PGCKA1: variants seen among roughly 807,000 people sequenced by gnomAD.
PGCKA1 encodes PDCD10 and GCKIII kinases-associated protein 1.
the PGCKA1 span, among the ~76,000 whole-genome samples, chr4:37,509,956 AGAGAGGGAG>A: frequency 8.5e-6 from 1 of 117,842 alleles, no homozygotes; most frequent in Non-Finnish European, 1.9e-5. Flanking sequence ...GACCGTGGAG[AGAGAGGGAG>A]CGGGAGACCG....
the PGCKA1 span, among the ~76,000 whole-genome samples, chr4:37,565,375 G>C: frequency 2.6e-5 from 4 of 152,262 alleles, no homozygotes; most frequent in South Asian, 6.2e-4. Context: ...CATGTAGAAG[G>C]GGGGGCTCTG....
the PGCKA1 span, chr4:37,590,262 G>A: frequency 4.3e-6 from 7 of 1,614,180 alleles, no homozygotes; most frequent in East Asian, 6.7e-5. Flanking sequence ...GCAGCAGCAG[G>A]ACAGCTGATC....
At chr4:37,468,320 G>C in the PGCKA1 span, among the ~76,000 whole-genome samples, 1 of 152,168 alleles carries the variant, frequency 6.6e-6, no homozygotes, top group Non-Finnish European at 1.5e-5. Flanking sequence ...ATGTTGTGGG[G>C]TTCAGCCAGA....
the PGCKA1 span, among the ~76,000 whole-genome samples, chr4:37,555,879 C>T: frequency 5.3e-5 from 8 of 152,072 alleles, no homozygotes; most frequent in African/African-American, 1.9e-4. Flanking sequence ...CATCTCACTC[C>T]CTAGGGTGAC....
the PGCKA1 span, among the ~76,000 whole-genome samples, chr4:37,539,894 G>T: frequency 6.6e-6 from 1 of 152,048 alleles, no homozygotes; most frequent in Admixed American, 6.6e-5. Flanking sequence ...TCAAAACAGG[G>T]TATTTAGCAT....
At chr4:37,475,861 A>C in the PGCKA1 span, among the ~76,000 whole-genome samples, 2 of 152,088 alleles carry the variant, frequency 1.3e-5, no homozygotes, top group East Asian at 1.9e-4. Flanking sequence ...TGTGGCCAAA[A>C]TTCAAAATAA....
At chr4:37,590,172 T>A in the PGCKA1 span, 257 of 1,614,158 alleles carry the variant, frequency 1.6e-4, no homozygotes, top group African/African-American at 3.1e-3. Flanking sequence ...ACGACACTGA[T>A]AAATTAAAAG....
the PGCKA1 span, among the ~76,000 whole-genome samples, chr4:37,554,611 G>A: frequency 6.6e-6 from 1 of 152,146 alleles, no homozygotes; most frequent in Non-Finnish European, 1.5e-5. Flanking sequence ...GCCTCCCAAA[G>A]TGCTGGGATT....
the PGCKA1 span, among the ~76,000 whole-genome samples, chr4:37,507,692 T>TA: frequency 1.3e-5 from 2 of 152,150 alleles, no homozygotes; most frequent in African/African-American, 4.8e-5. Context: ...TCTTTCTGTC[T>TA]AAAAAAACAT....
chr4:37,555,080 G>T, the PGCKA1 span, among the ~76,000 whole-genome samples: 35 of 152,182 alleles, frequency 2.3e-4, no homozygotes, highest in East Asian at 6.4e-3. Context: ...CCTCTCAGAG[G>T]GTCCAACCCT....
chr4:37,541,480 G>A, the PGCKA1 span, among the ~76,000 whole-genome samples: 2 of 152,184 alleles, frequency 1.3e-5, no homozygotes, highest in African/African-American at 2.4e-5. Context: ...AGAAATGAGC[G>A]AGGAGGAGAG....
At chr4:37,540,528 G>A in the PGCKA1 span, among the ~76,000 whole-genome samples, 2 of 152,012 alleles carry the variant, frequency 1.3e-5, no homozygotes, top group East Asian at 1.9e-4. Flanking sequence ...TTGTTTCTTT[G>A]GTTTAAATTA....
At chr4:37,541,143 G>A in the PGCKA1 span, among the ~76,000 whole-genome samples, 2 of 152,016 alleles carry the variant, frequency 1.3e-5, no homozygotes, top group African/African-American at 2.4e-5. Context: ...CTGAAATCTC[G>A]CAGAGTCAGG....
the PGCKA1 span, among the ~76,000 whole-genome samples, chr4:37,581,552 G>A: frequency 1.3e-5 from 2 of 152,106 alleles, no homozygotes; most frequent in African/African-American, 4.8e-5. This position sits in a 1 kb window ranked among gnomAD's most constrained non-coding sequence, Gnocchi z 4.4. Flanking sequence ...GCTGGGGCCT[G>A]GAATGGGGGC....
chr4:37,578,064 T>A, the PGCKA1 span, among the ~76,000 whole-genome samples: 1 of 152,192 alleles, frequency 6.6e-6, no homozygotes, highest in African/African-American at 2.4e-5. Flanking sequence ...ATTAGGTCCG[T>A]TTGATCTACA....
At chr4:37,491,124 C>T in the PGCKA1 span, among the ~76,000 whole-genome samples, 1 of 152,160 alleles carries the variant, frequency 6.6e-6, no homozygotes. Flanking sequence ...GCCAGCCAGC[C>T]TACTTCCAAT....
the PGCKA1 span, among the ~76,000 whole-genome samples, chr4:37,515,934 C>T: frequency 6.6e-6 from 1 of 152,098 alleles, no homozygotes; most frequent in Non-Finnish European, 1.5e-5. Flanking sequence ...ATTGCTTAGG[C>T]CAAAATAAAA....
the PGCKA1 span, among the ~76,000 whole-genome samples, chr4:37,464,437 G>C: frequency 6.6e-6 from 1 of 152,116 alleles, no homozygotes; most frequent in Non-Finnish European, 1.5e-5. Context: ...AAACTGGGAC[G>C]CTAACTACTT....
At chr4:37,455,966 C>G in the PGCKA1 span, among the ~76,000 whole-genome samples, 1 of 152,218 alleles carries the variant, frequency 6.6e-6, no homozygotes, top group Non-Finnish European at 1.5e-5. Flanking sequence ...CCCCTAGTTA[C>G]ACAATTTTTC....
Sources: allele counts gnomAD v4.1 joint callset (sites outside exome capture counted in the v4.1 genomes callset), GRCh38; gene constraint gnomAD v4.1.1; non-coding constraint Gnocchi (gnomAD v3.1); transcripts MANE v1.5; gene names NCBI Gene and HGNC (gene_info 2026-07-23, HGNC 2026-07-21).